SH3D19: variants seen among roughly 807,000 people sequenced by gnomAD.
SH3D19 encodes SH3 domain-containing protein 19.
A neutral mutation model predicts 112.1 loss-of-function variants in SH3D19; 58 were observed. The observed-to-expected ratio is 0.52, with a 90% CI of 0.42 to 0.64. SH3D19 has a LOEUF of 0.64. Ranked by LOEUF, SH3D19 falls within the 30% of genes least tolerant of loss-of-function variation. SH3D19 has a pLI of 0.00. For missense variants in SH3D19, 1,090 were observed against 1,263.4 expected, an observed-to-expected ratio of 0.86 and a Z score of 2.08; for synonymous variants, 391 against 448.5, an observed-to-expected ratio of 0.87 and a Z score of 1.62.
intron 9 of SH3D19, among the ~76,000 whole-genome samples, chr4:151,156,231 T>TA (rs1416557918): frequency 3.3e-5 from 5 of 152,060 alleles, no homozygotes; most frequent in Non-Finnish European, 7.4e-5. Flanking sequence ...TTAATATTGT[T>TA]AAAATGAGAA....
chr4:151,294,090 G>A (rs535717357), intron 1 of SH3D19, among the ~76,000 whole-genome samples: 4 of 152,230 alleles, frequency 2.6e-5, no homozygotes, highest in Admixed American at 1.3e-4. Flanking sequence ...ATTCATTTAT[G>A]TAGTTGTCTA....
intron 1 of SH3D19, among the ~76,000 whole-genome samples, chr4:151,240,412 T>G (rs2149966845): frequency 7.1e-6 from 1 of 141,776 alleles, no homozygotes; most frequent in South Asian, 2.3e-4. Context: ...ACATGTCTCT[T>G]AAAAAAAAAA....
chr4:151,209,574 C>A (rs1017844319), intron 2 of SH3D19, among the ~76,000 whole-genome samples: 11 of 152,162 alleles, frequency 7.2e-5, no homozygotes, highest in African/African-American at 2.7e-4. Flanking sequence ...GCCACTGCAC[C>A]CAGCCTGAAA....
intron 2 of SH3D19, among the ~76,000 whole-genome samples, chr4:151,224,035 C>G (rs1344378745): frequency 2.6e-5 from 4 of 152,146 alleles, no homozygotes; most frequent in Non-Finnish European, 4.4e-5. Flanking sequence ...CTAGGCCGGG[C>G]ACGGTGGCTC....
intron 1 of SH3D19, among the ~76,000 whole-genome samples, chr4:151,316,427 A>G (rs746210924): frequency 2.0e-5 from 3 of 152,172 alleles, no homozygotes; most frequent in Non-Finnish European, 2.9e-5. Context: ...TCAAGCATGG[A>G]GTTTAATCAT....
At chr4:151,160,684 C>T (rs200455704) in intron 8 of SH3D19, among the ~76,000 whole-genome samples, 86 of 145,480 alleles carry the variant, frequency 5.9e-4, no homozygotes, top group Non-Finnish European at 9.9e-4. Flanking sequence ...CTTTCTCTCT[C>T]TTTTTTTTTT....
chr4:151,175,147 C>T lies in SH3D19; in HGVS notation c.1057G>A (p.Glu353Lys). ...RASGEWDSGT[E>K]NRLKVTSKEG... ...TTGGAGGTCACCTTGAGTCTGTTCTCAGTCCCAGAGTCCCACTCTCCAGAA... is the reference window on the plus strand; with the variant it reads ...TTGGAGGTCACCTTGAGTCTGTTCTTAGTCCCAGAGTCCCACTCTCCAGAA... Residue 353 changes from glutamate to lysine, a missense_variant, in exon 7 of 20, where the codon GAG (glutamate) becomes AAG (lysine). Glu to Lys is a moderately conservative substitution (Grantham distance 56, BLOSUM62 1). Transcript: ENST00000604030. The T allele has an allele frequency of 4.3e-6, 7 of 1,614,156 alleles. No homozygotes were observed. The highest frequency in any genetic ancestry group is 4.2e-6 in the Non-Finnish European group (5 of 1,180,028).
chr4:151,195,098 C>T (rs1763221021), intron 2 of SH3D19, among the ~76,000 whole-genome samples: 1 of 143,080 alleles, frequency 7.0e-6, no homozygotes, highest in Non-Finnish European at 1.5e-5. Context: ...AGGTTGGGCG[C>T]GGTGGCTCAT....
chr4:151,271,059 G>A (rs972005413), intron 1 of SH3D19, among the ~76,000 whole-genome samples: 3 of 152,056 alleles, frequency 2.0e-5, no homozygotes, highest in Non-Finnish European at 4.4e-5. Flanking sequence ...GAGTAACTGG[G>A]ACTACAAACA....
chr4:151,130,553 A>T (rs989812578), intron 17 of SH3D19, among the ~76,000 whole-genome samples: 6 of 152,252 alleles, frequency 3.9e-5, no homozygotes, highest in African/African-American at 1.4e-4. Flanking sequence ...GGTCATGCTG[A>T]ACAGTGTAAA....
chr4:151,282,248 C>A (rs1452360038), intron 1 of SH3D19: 1 of 1,613,958 alleles, frequency 6.2e-7, no homozygotes, highest in South Asian at 1.1e-5. Context: ...CGTCATCCAT[C>A]CCAAGTACCA....
intron 8 of SH3D19, among the ~76,000 whole-genome samples, chr4:151,164,368 C>G (rs1393404476): frequency 6.6e-6 from 1 of 152,150 alleles, no homozygotes; most frequent in Non-Finnish European, 1.5e-5. Context: ...TGTGTGTACA[C>G]ATACACAAAC....
chr4:151,243,686 G>C (rs1466144807), intron 1 of SH3D19, among the ~76,000 whole-genome samples: 1 of 152,188 alleles, frequency 6.6e-6, no homozygotes, highest in African/African-American at 2.4e-5. Context: ...TGAGACACTA[G>C]ATCTGTATCA....
chr4:151,305,822 C>G (rs1461591835), intron 1 of SH3D19, among the ~76,000 whole-genome samples: 2 of 152,158 alleles, frequency 1.3e-5, no homozygotes, highest in Non-Finnish European at 2.9e-5. Context: ...AACCTGTACA[C>G]AAATGTTTAC....
Position 151,325,583 on chromosome 4 carries a change from G to A in SH3D19, c.-231C>T. On this transcript the variant is annotated 5_prime_UTR_variant, in exon 1 of 20. The change creates a new upstream start codon in the 5' untranslated region. Coordinates refer to ENST00000604030, the MANE Select transcript of SH3D19 (RefSeq NM_001378122.1). ...AGCCGATTCCCCGCCTCCTTGCGGCGTCCCGGCGGCCTCTTAATCCCTGGC... is the reference window on the plus strand; with the variant it reads ...AGCCGATTCCCCGCCTCCTTGCGGCATCCCGGCGGCCTCTTAATCCCTGGC... 2 of 266,904 alleles carry A rather than the reference G, an allele frequency of 7.5e-6. No homozygotes were observed. Among genetic ancestry groups the A allele is most frequent in the Non-Finnish European group, 1.4e-5 (2 of 143,028 alleles). The allele number at this position is 266,904 out of a possible 1,614,324, so 16.5% of individuals were successfully genotyped here. A position where few individuals can be genotyped will look rare whatever the true frequency, so the allele number is the denominator to read the frequency against.
chr4:151,255,360 G>T (rs530170632), intron 1 of SH3D19, among the ~76,000 whole-genome samples: 2 of 151,674 alleles, frequency 1.3e-5, no homozygotes, highest in East Asian at 3.9e-4. Flanking sequence ...GGTCGCGGCC[G>T]GGCAGAGGTG....
intron 1 of SH3D19, among the ~76,000 whole-genome samples, chr4:151,281,988 AAAG>A (rs1774280657): frequency 6.6e-6 from 1 of 152,068 alleles, no homozygotes; most frequent in South Asian, 2.1e-4. Flanking sequence ...GAAAGAGAGG[AAAG>A]AAGGAGACAA....
At chr4:151,177,847 T>C (rs932939007) in intron 4 of SH3D19, among the ~76,000 whole-genome samples, 10 of 152,216 alleles carry the variant, frequency 6.6e-5, no homozygotes, top group African/African-American at 2.4e-4. Flanking sequence ...TGATTAATCT[T>C]TAATACTGGA....
chr4:151,180,361 G>A (rs1481217779), intron 3 of SH3D19, among the ~76,000 whole-genome samples: 1 of 149,400 alleles, frequency 6.7e-6, no homozygotes, highest in Admixed American at 6.6e-5. Flanking sequence ...AGTAAACTAA[G>A]TTTTAATCGG....
Sources: allele counts gnomAD v4.1 joint callset (sites outside exome capture counted in the v4.1 genomes callset), GRCh38; gene constraint gnomAD v4.1.1; transcripts MANE v1.5; gene names NCBI Gene and HGNC (gene_info 2026-07-23, HGNC 2026-07-21).